HNF4G: variants seen among roughly 807,000 people sequenced by gnomAD.
HNF4G encodes hepatocyte nuclear factor 4-gamma.
HNF4G carries 21 observed loss-of-function variants against 50.9 expected under a neutral mutation model. That is an observed-to-expected ratio of 0.41 (90% CI 0.29 to 0.59). The LOEUF is 0.59. HNF4G is among the 20% of genes least tolerant of loss of function. The pLI, the probability that HNF4G is intolerant of heterozygous loss-of-function variation, is 0.26. For synonymous variants in HNF4G, 198 were observed against 185.6 expected (o/e 1.07, Z -0.54); for missense variants, 527 against 559.4 (o/e 0.94, Z 0.58).
chr8:75,488,745 C>A (rs1047452291), intron 1 of HNF4G, among the ~76,000 whole-genome samples: 1 of 152,094 alleles, frequency 6.6e-6, no homozygotes, highest in African/African-American at 2.4e-5. Context: ...GCCTTTATCT[C>A]AGTATCTTTG....
intron 3 of HNF4G, among the ~76,000 whole-genome samples, chr8:75,549,678 A>T (rs1391119355): frequency 6.6e-6 from 1 of 151,528 alleles, no homozygotes; most frequent in Non-Finnish European, 1.5e-5. Flanking sequence ...TTACATATGT[A>T]TACATGTGCC....
chr8:75,560,340 G>A lies in HNF4G; in HGVS notation c.1124-4G>A, dbSNP rs199788981. 1.2e-6 allele frequency: 2 copies of A among 1,612,594 alleles called. No homozygotes were observed. Among genetic ancestry groups the A allele is most frequent in the South Asian group, 1.1e-5 (1 of 90,974 alleles). On this transcript the variant is annotated splice_region_variant and splice_polypyrimidine_tract_variant and intron_variant, in intron 8 of 9. Transcript: ENST00000396423. ...CTAACACAGCATCTTTTTATCTTTT[G>A]TAGGGGCTTCCAATGATGGCAGTCA...
chr8:75,558,395 C>T (rs1776377910), intron 6 of HNF4G, 123 bp from the exon 7 acceptor site: 1 of 792,756 alleles, frequency 1.3e-6, no homozygotes, highest in East Asian at 2.7e-5. Flanking sequence ...AGAGGAAGTA[C>T]ATCACTATTC....
At chr8:75,409,423 A>T (rs1191444823) in intron 1 of HNF4G, among the ~76,000 whole-genome samples, 1 of 150,052 alleles carries the variant, frequency 6.7e-6, no homozygotes, top group East Asian at 1.9e-4. Context: ...GATTGCTAAG[A>T]TTAAAAAAAA....
intron 2 of HNF4G, among the ~76,000 whole-genome samples, chr8:75,533,245 TC>T (rs1370599310): frequency 2.0e-5 from 3 of 151,986 alleles, no homozygotes; most frequent in Non-Finnish European, 2.9e-5. Flanking sequence ...AAATAGAAGG[TC>T]TTTGCCTTCA....
At chr8:75,555,888 A>G in intron 5 of HNF4G, 94 bp from the exon 6 acceptor site, 3 of 621,312 alleles carry the variant, frequency 4.8e-6, no homozygotes, top group Non-Finnish European at 7.9e-6. Context: ...AAAAAGTCCC[A>G]GGCTTAAAGA....
chr8:75,448,344 T>A (rs1370202052), intron 1 of HNF4G, among the ~76,000 whole-genome samples: 6 of 143,968 alleles, frequency 4.2e-5, no homozygotes, highest in African/African-American at 1.5e-4. Flanking sequence ...GATGACGAGT[T>A]GGTGCAGCGC....
In HNF4G at chr8:75,494,757, G is replaced by A. The variant is rs186466269; in HGVS notation, c.-24+4549G>A. ...TAACTTTTAGATAATACTAGTAATA[G>A]CATATGTAGAAATAAACATGCACTA... On this transcript the variant is annotated intron_variant, in intron 2 of 10. Coordinates refer to the HNF4G transcript ENST00000354370. Among the ~76,000 whole-genome samples, 65 of 151,746 alleles carry A rather than the reference G, an allele frequency of 4.3e-4. No homozygotes were observed. The East Asian group carries it at 9.7e-3, about 23-fold the overall frequency.
At chr8:75,518,066 C>T (rs568913641) in intron 2 of HNF4G, among the ~76,000 whole-genome samples, 27 of 151,498 alleles carry the variant, frequency 1.8e-4, no homozygotes, top group African/African-American at 5.8e-4. Flanking sequence ...TATACTTATG[C>T]CATGTTGGTG....
At chr8:75,524,187 T>G (rs1265650830) in intron 2 of HNF4G, among the ~76,000 whole-genome samples, 1 of 152,154 alleles carries the variant, frequency 6.6e-6, no homozygotes, top group African/African-American at 2.4e-5. Flanking sequence ...TTTGACTTCT[T>G]ATTAATGCAG....
At chr8:75,528,488 G>T (rs1040943372) in intron 2 of HNF4G, among the ~76,000 whole-genome samples, 1 of 152,118 alleles carries the variant, frequency 6.6e-6, no homozygotes, top group African/African-American at 2.4e-5. Flanking sequence ...GGCATTTTTA[G>T]TACTCTATCT....
At chr8:75,409,480 CTTTTTT>C (rs5892492) in intron 1 of HNF4G, among the ~76,000 whole-genome samples, 1 of 67,338 alleles carries the variant, frequency 1.5e-5, no homozygotes, top group Non-Finnish European at 2.6e-5. Context: ...GTGCCTTGTT[CTTTTTT>C]TTTTTTTTTT....
intron 1 of HNF4G, among the ~76,000 whole-genome samples, chr8:75,427,451 C>T (rs1020716816): frequency 8.6e-5 from 13 of 151,886 alleles, no homozygotes. Flanking sequence ...GGTGGCACCA[C>T]CTGTAGTCCC....
At chr8:75,464,193 G>A (rs574054245) in intron 1 of HNF4G, among the ~76,000 whole-genome samples, 27 of 151,722 alleles carry the variant, frequency 1.8e-4, no homozygotes, top group African/African-American at 6.3e-4. Flanking sequence ...GAAACCTAGG[G>A]CACTCATGGG....
At chr8:75,478,028 T>C (rs1585878758) in intron 1 of HNF4G, among the ~76,000 whole-genome samples, 1 of 152,206 alleles carries the variant, frequency 6.6e-6, no homozygotes, top group Non-Finnish European at 1.5e-5. Flanking sequence ...CATTGAAATT[T>C]AGGCCGGGTG....
chr8:75,479,949 T>C (rs1257927637), intron 1 of HNF4G, among the ~76,000 whole-genome samples: 2 of 151,306 alleles, frequency 1.3e-5, no homozygotes, highest in African/African-American at 4.9e-5. Flanking sequence ...ATCACAAAGG[T>C]TTATGATTTA....
At chr8:75,470,868 G>A (rs1011066458) in intron 1 of HNF4G, among the ~76,000 whole-genome samples, 1 of 152,134 alleles carries the variant, frequency 6.6e-6, no homozygotes, top group Non-Finnish European at 1.5e-5. Flanking sequence ...TTTTAGCACT[G>A]GTAAGAGATA....
At position 75,440,523 on chromosome 8, in the gene HNF4G, C is replaced by A. The variant is rs183578332; in HGVS notation, c.-144+32361C>A. Among the ~76,000 whole-genome samples, 213 of 152,202 alleles carry A rather than the reference C, an allele frequency of 1.4e-3. 1 individual carries two copies. Among genetic ancestry groups the A allele is most frequent in the African/African-American group, 4.9e-3 (205 of 41,542 alleles). Reference sequence around the variant, plus strand: ...TTTCACAGATTGCCAGCAATTATGGCTAAAAAACTAAATCAAATATATGGA... The same window carrying A: ...TTTCACAGATTGCCAGCAATTATGGATAAAAAACTAAATCAAATATATGGA... On this transcript the variant is annotated intron_variant, in intron 1 of 10. Coordinates refer to the HNF4G transcript ENST00000354370.
chr8:75,417,826 T>C (rs1810678229), intron 1 of HNF4G, among the ~76,000 whole-genome samples: 1 of 152,126 alleles, frequency 6.6e-6, no homozygotes, highest in Non-Finnish European at 1.5e-5. Flanking sequence ...TGAAACTAAT[T>C]TATGAAATCA....
Sources: gnomAD v4.1 joint callset for allele counts (sites outside exome capture counted in the v4.1 genomes callset) on GRCh38, gnomAD v4.1.1 for gene constraint, MANE v1.5 for transcripts, NCBI Gene and HGNC (gene_info 2026-07-23, HGNC 2026-07-21) for gene names.